Variants in CA10 observed in about 807,000 individuals in gnomAD.
CA10 encodes the protein carbonic anhydrase-related protein 10.
In CA10, 14 loss-of-function variants were observed where a neutral mutation model predicts 44.2. The ratio of observed to expected loss-of-function variants is 0.32; its 90% CI spans 0.21 to 0.50. The LOEUF is 0.50. Ranked by LOEUF, CA10 falls within the 20% of genes least tolerant of loss-of-function variation. CA10 has a pLI of 0.99. For synonymous variants in CA10, 159 were observed against 141.6 expected (o/e 1.12, Z -0.87); for missense variants, 350 against 409.7 (o/e 0.85, Z 1.26).
At chr17:52,068,379 G>A (rs186556669) in intron 2 of CA10, among the ~76,000 whole-genome samples, 3 of 152,344 alleles carry the variant, frequency 2.0e-5, no homozygotes, top group Non-Finnish European at 2.9e-5. Context: ...ACTTAACTGT[G>A]AGTCAATTAA....
intron 1 of CA10, among the ~76,000 whole-genome samples, chr17:52,132,906 G>T (rs372413003): frequency 1.3e-5 from 2 of 152,122 alleles, no homozygotes; most frequent in African/African-American, 2.4e-5. Flanking sequence ...CAACAGCAAG[G>T]GTACCTTGGA....
At chr17:52,066,521 G>A (rs1220129299) in intron 2 of CA10, among the ~76,000 whole-genome samples, 1 of 152,176 alleles carries the variant, frequency 6.6e-6, no homozygotes, top group Non-Finnish European at 1.5e-5. Flanking sequence ...GAGATCTGAT[G>A]GTTTTATAGA....
chr17:51,815,317 G>A (rs1200195437), intron 3 of CA10, among the ~76,000 whole-genome samples: 1 of 152,144 alleles, frequency 6.6e-6, no homozygotes, highest in Non-Finnish European at 1.5e-5. Flanking sequence ...GAAGTGAGAT[G>A]GTTTGGGTTG....
intron 3 of CA10, among the ~76,000 whole-genome samples, chr17:51,828,975 C>G (rs1306519999): frequency 6.6e-6 from 1 of 152,196 alleles, no homozygotes; most frequent in Non-Finnish European, 1.5e-5. Context: ...TGAAGAGTTT[C>G]ATTCCGTGAT....
At chr17:52,132,078 T>A (rs1421556991) in intron 1 of CA10, among the ~76,000 whole-genome samples, 2 of 151,798 alleles carry the variant, frequency 1.3e-5, no homozygotes, top group South Asian at 4.2e-4. Flanking sequence ...AGTTAATGGG[T>A]ACAGCACACC....
intron 2 of CA10, among the ~76,000 whole-genome samples, chr17:51,992,119 T>A (rs778663694): frequency 6.6e-6 from 1 of 152,146 alleles, no homozygotes; most frequent in Non-Finnish European, 1.5e-5. Flanking sequence ...GTTTCTGATA[T>A]AGCTGTGAAC....
chr17:51,794,454 A>G (rs1393891986), intron 3 of CA10, among the ~76,000 whole-genome samples: 1 of 152,192 alleles, frequency 6.6e-6, no homozygotes, highest in African/African-American at 2.4e-5. Flanking sequence ...GTGTCACCCC[A>G]CTATATTGTA....
chr17:51,632,491 G>T (rs1912625396), intron 8 of CA10, among the ~76,000 whole-genome samples: 2 of 152,198 alleles, frequency 1.3e-5, no homozygotes, highest in African/African-American at 4.8e-5. Flanking sequence ...TAGTGGTGGA[G>T]GCTGCTTCTA....
In CA10 at chr17:51,821,091, C is replaced by CCCTCCCTT. The variant is rs1276980005; in HGVS notation, c.280-73274_280-73273insAAGGGAGG. Among the ~76,000 whole-genome samples the CCCTCCCTT allele has an allele frequency of 4.1e-3, 474 of 116,116 alleles. 14 individuals carry two copies. Among genetic ancestry groups the CCCTCCCTT allele is most frequent in the African/African-American group, 0.017 (446 of 25,976 alleles). 76.2% of individuals were successfully genotyped at this position (116,116 alleles called of 152,430 possible). The stretch of plus-strand genomic sequence containing the variant: ...TCCCTTCCTTCCTCCCTCCCTCCCT[C>CCCTCCCTT]CCTTCCTTCCTTCCTTCCTTTCCTT... On this transcript the variant is annotated intron_variant, in intron 3 of 8. Coordinates refer to ENST00000451037, the MANE Select transcript of CA10 (RefSeq NM_020178.5).
intron 1 of CA10, among the ~76,000 whole-genome samples, chr17:52,077,439 C>T (rs961060885): frequency 6.6e-6 from 1 of 152,134 alleles, no homozygotes; most frequent in Non-Finnish European, 1.5e-5. Context: ...GTGCCAACTG[C>T]TCCACTTTGC....
chr17:51,663,213 G>GTTTCTT (rs1914072068), intron 4 of CA10, among the ~76,000 whole-genome samples: 1 of 142,310 alleles, frequency 7.0e-6, no homozygotes. Context: ...TTTTTTCCCG[G>GTTTCTT]AACTTGGAAT....
At chr17:51,882,066 C>CA (rs57495108) in intron 3 of CA10, among the ~76,000 whole-genome samples, 8,730 of 82,054 alleles carry the variant, frequency 0.11, 264 homozygotes, top group Middle Eastern at 0.14. Context: ...GCAGTGGCAA[C>CA]AAAAAAAAAA....
intron 4 of CA10, among the ~76,000 whole-genome samples, chr17:51,685,813 G>C (rs1343216288): frequency 6.6e-6 from 1 of 152,066 alleles, no homozygotes; most frequent in Non-Finnish European, 1.5e-5. Flanking sequence ...AAAGTCAGAG[G>C]GAGGAAAATG....
intron 1 of CA10, among the ~76,000 whole-genome samples, chr17:52,072,718 A>C (rs200656074): frequency 1.2e-5 from 1 of 85,878 alleles, no homozygotes; most frequent in African/African-American, 4.8e-5. Flanking sequence ...CACACACACA[A>C]CACACACACA....
At chr17:51,817,442 G>A (rs1342896043) in intron 3 of CA10, among the ~76,000 whole-genome samples, 1 of 151,954 alleles carries the variant, frequency 6.6e-6, no homozygotes, top group Non-Finnish European at 1.5e-5. Context: ...AGTGATGGTG[G>A]GGAGGGATGC....
chr17:51,692,865 G>T (rs1420895025), intron 4 of CA10, among the ~76,000 whole-genome samples: 1 of 152,194 alleles, frequency 6.6e-6, no homozygotes, highest in Non-Finnish European at 1.5e-5. Flanking sequence ...GGCTTTGACT[G>T]GTTTTGAGCA....
intron 2 of CA10, among the ~76,000 whole-genome samples, chr17:52,065,390 C>G (rs951635174): frequency 2.6e-5 from 4 of 152,144 alleles, no homozygotes; most frequent in African/African-American, 9.7e-5. Context: ...CCGAGTCAAG[C>G]CTTTGTCTTT....
intron 4 of CA10, among the ~76,000 whole-genome samples, chr17:51,667,509 A>T (rs116393350): frequency 6.6e-6 from 1 of 151,754 alleles, no homozygotes; most frequent in Non-Finnish European, 1.5e-5. Flanking sequence ...CAGTTTCCCT[A>T]TCCGTAAATT....
Position 51,631,330 on chromosome 17 carries a change from GTGTGTGTGTAGGTA to G in CA10, c.*240_*253del. ...CCCATGATGGAGGTTGTAAGAGTGT[GTGTGTGTGTAGGTA>G]TGTTTGCATGTGTTTGTATGTATGT... On this transcript the variant is annotated 3_prime_UTR_variant, in exon 9 of 9. Transcript: ENST00000451037. The G allele has an allele frequency of 2.0e-6, 1 of 497,270 alleles. No homozygotes were observed. The highest frequency in any genetic ancestry group is 3.6e-6 in the Non-Finnish European group (1 of 277,762). The allele number at this position is 497,270 out of a possible 1,614,324, so 30.8% of individuals were successfully genotyped here.
Sources: gnomAD v4.1 joint callset for allele counts (sites outside exome capture counted in the v4.1 genomes callset) on GRCh38, gnomAD v4.1.1 for gene constraint, MANE v1.5 for transcripts, NCBI Gene and HGNC (gene_info 2026-07-23, HGNC 2026-07-21) for gene names.